Variants in CD109 observed in about 807,000 individuals in gnomAD.
CD109 encodes CD109 antigen.
In CD109, 149 loss-of-function variants were observed where a neutral mutation model predicts 165.8. The ratio of observed to expected loss-of-function variants is 0.90; its 90% confidence interval spans 0.79 to 1.03. The LOEUF (loss-of-function observed/expected upper bound fraction) is 1.03. Ranked by LOEUF, CD109 falls within the 50% of genes least tolerant of loss-of-function variation. CD109 has a pLI of 0.00. For synonymous variants in CD109, 585 were observed against 592.1 expected (o/e 0.99, Z 0.18); for missense variants, 1,712 against 1,677.8 (o/e 1.02, Z -0.36).
At chr6:73,778,627 T>C (rs1774354776) in intron 15 of CD109, among the ~76,000 whole-genome samples, 1 of 152,222 alleles carries the variant, frequency 6.6e-6, no homozygotes, top group Non-Finnish European at 1.5e-5. Context: ...CTGGCTCCCT[T>C]GTCTACTTGC....
intron 15 of CD109, among the ~76,000 whole-genome samples, chr6:73,777,166 C>G (rs1774280356): frequency 6.6e-6 from 1 of 151,418 alleles, no homozygotes; most frequent in Admixed American, 6.6e-5. Context: ...TCATGTTGGT[C>G]AGCCTGGTCT....
chr6:73,812,916 A>G (rs1775802876), intron 29 of CD109, among the ~76,000 whole-genome samples: 1 of 152,140 alleles, frequency 6.6e-6, no homozygotes, highest in Non-Finnish European at 1.5e-5. Flanking sequence ...GCTTGGGTAG[A>G]AACAAACGAC....
At chr6:73,726,903 T>C (rs1772159650) in intron 3 of CD109, among the ~76,000 whole-genome samples, 1 of 152,246 alleles carries the variant, frequency 6.6e-6, no homozygotes, top group Non-Finnish European at 1.5e-5. Flanking sequence ...CTGTGCCCTC[T>C]GGTCAAGGAG....
At chr6:73,763,177 CCTT>C (rs766968653) in intron 9 of CD109, among the ~76,000 whole-genome samples, 19 of 152,162 alleles carry the variant, frequency 1.2e-4, no homozygotes, top group Non-Finnish European at 1.6e-4. Context: ...CAGCTGGTAA[CCTT>C]CTTCTTTTTA....
chr6:73,721,148 A>G (rs1017758500), intron 2 of CD109, among the ~76,000 whole-genome samples: 2 of 152,052 alleles, frequency 1.3e-5, no homozygotes, highest in Non-Finnish European at 2.9e-5. Context: ...GTTATTTAAG[A>G]GTCTTGCTCT....
At chr6:73,805,336 A>T (rs532797995) in intron 24 of CD109, among the ~76,000 whole-genome samples, 2 of 152,232 alleles carry the variant, frequency 1.3e-5, no homozygotes, top group Non-Finnish European at 2.9e-5. Flanking sequence ...GCTGTGCTTT[A>T]GATATGCATA....
intron 27 of CD109, 96 bp from the exon 28 acceptor site, chr6:73,810,896 G>A: frequency 4.2e-6 from 5 of 1,191,746 alleles, no homozygotes; most frequent in Non-Finnish European, 5.9e-6. Flanking sequence ...TCTGAAGGAA[G>A]GTGTATGAAT....
chr6:73,750,975 A>AATT (rs1773167734), intron 5 of CD109, among the ~76,000 whole-genome samples: 1 of 152,062 alleles, frequency 6.6e-6, no homozygotes, highest in Admixed American at 6.6e-5. Flanking sequence ...TACATTCAGT[A>AATT]ATTAATATGT....
intron 2 of CD109, among the ~76,000 whole-genome samples, chr6:73,716,186 A>G (rs913455335): frequency 6.6e-6 from 1 of 152,180 alleles, no homozygotes; most frequent in East Asian, 1.9e-4. Context: ...TTGTTGATGG[A>G]CACTTAGGTT....
intron 6 of CD109, 92 bp from the exon 7 acceptor site, chr6:73,758,852 A>G: frequency 1.4e-6 from 1 of 705,546 alleles, no homozygotes; most frequent in Non-Finnish European, 2.5e-6. Context: ...TATTCAGTGG[A>G]AGATGATAGT....
At chr6:73,774,938 C>G (rs907189946) in intron 15 of CD109, among the ~76,000 whole-genome samples, 1 of 148,048 alleles carries the variant, frequency 6.8e-6, no homozygotes, top group African/African-American at 2.5e-5. Context: ...ACTGTTTTGG[C>G]TTCTTTTTTT....
intron 3 of CD109, among the ~76,000 whole-genome samples, chr6:73,725,804 C>T (rs757954101): frequency 2.0e-5 from 3 of 152,258 alleles, no homozygotes; most frequent in Non-Finnish European, 4.4e-5. Flanking sequence ...CAAGCCACTG[C>T]GCCCAGCCTA....
chr6:73,757,695 T>C (rs1325459347), intron 6 of CD109, among the ~76,000 whole-genome samples: 1 of 152,166 alleles, frequency 6.6e-6, no homozygotes, highest in Non-Finnish European at 1.5e-5. Context: ...GAAAGAAAAA[T>C]AGTTCATTAA....
chr6:73,705,596 G>T (rs1771236558), intron 2 of CD109, among the ~76,000 whole-genome samples: 1 of 151,336 alleles, frequency 6.6e-6, no homozygotes, highest in Admixed American at 6.6e-5. Flanking sequence ...CTCTAGCCTG[G>T]GTAACAAAGC....
intron 23 of CD109, among the ~76,000 whole-genome samples, chr6:73,798,149 C>A (rs1014373025): frequency 2.7e-5 from 4 of 147,892 alleles, no homozygotes; most frequent in African/African-American, 1.0e-4. Context: ...GAGTCTTGCT[C>A]TGTCATCCAG....
chr6:73,789,818 T>C (rs2150263459), intron 22 of CD109, among the ~76,000 whole-genome samples: 1 of 147,454 alleles, frequency 6.8e-6, no homozygotes. Context: ...TAGAGTGCAG[T>C]GGCAGGATCT....
rs1776203418 is a variant in CD109 at position 73,824,209 on chromosome 6, G to C, written c.*576G>C. 6.8e-6 allele frequency: 1 copy of C among 146,962 alleles called. No individual in the cohort carries two copies. The highest frequency in any genetic ancestry group is 1.5e-5 in the Non-Finnish European group (1 of 67,452). 9.1% of individuals were successfully genotyped at this position (146,962 alleles called of 1,614,324 possible). A position where few individuals can be genotyped will look rare whatever the true frequency, so the allele number is the denominator to read the frequency against. The stretch of plus-strand genomic sequence containing the variant: ...TTTTTAAGTGGCACGGTCTTTTTCT[G>C]CTTGAAATCTGATCACACCCCCCAG... On this transcript the variant is annotated 3_prime_UTR_variant, in exon 33 of 33. Coordinates refer to ENST00000287097, the MANE Select transcript of CD109 (RefSeq NM_133493.5).
intron 2 of CD109, among the ~76,000 whole-genome samples, chr6:73,705,656 T>A (rs936709571): frequency 4.4e-5 from 5 of 114,574 alleles, no homozygotes; most frequent in African/African-American, 1.2e-4. Context: ...AAGAAAAGAA[T>A]AGAATAGACA....
intron 5 of CD109, among the ~76,000 whole-genome samples, chr6:73,742,714 G>A (rs78703397): frequency 0.071 from 10,808 of 152,288 alleles, 528 homozygotes; most frequent in African/African-American, 0.13. Flanking sequence ...TTTCTAGAGT[G>A]GCTTAGGCAT....
Sources: allele counts gnomAD v4.1 joint callset (sites outside exome capture counted in the v4.1 genomes callset), GRCh38; gene constraint gnomAD v4.1.1; transcripts MANE v1.5; gene names NCBI Gene and HGNC (gene_info 2026-07-23, HGNC 2026-07-21).